JAKMIP2: variants seen among roughly 807,000 people sequenced by gnomAD.
JAKMIP2 encodes janus kinase and microtubule interacting protein 2, also known as janus kinase and microtubule-interacting protein 2.
Under a neutral mutation model 115.0 loss-of-function variants are expected in JAKMIP2, and 25 were observed. The observed-to-expected ratio is 0.22, with a 90% CI of 0.16 to 0.30. The LOEUF (loss-of-function observed/expected upper bound fraction) is 0.30, where lower values mean the gene tolerates loss of function less well. Ranked by LOEUF, JAKMIP2 falls within the 10% of genes least tolerant of loss-of-function variation. The pLI, the probability that JAKMIP2 is intolerant of heterozygous loss-of-function variation, is 1.00. For missense variants in JAKMIP2, 642 were observed against 957.6 expected (o/e 0.67, Z 4.35); for synonymous variants, 334 against 343.6 (o/e 0.97, Z 0.31).
chr5:147,758,519 G>A (rs539311590), intron 1 of JAKMIP2, among the ~76,000 whole-genome samples: 12 of 152,114 alleles, frequency 7.9e-5, no homozygotes, highest in Admixed American at 1.3e-4. Flanking sequence ...AACTGAAAAT[G>A]GACTATCAGA....
chr5:147,650,242 G>T, intron 4 of JAKMIP2, 96 bp downstream of exon 4: 1 of 781,280 alleles, frequency 1.3e-6, no homozygotes, highest in Non-Finnish European at 2.2e-6. Flanking sequence ...TGATTTCTTT[G>T]TAGTAAACAA....
At chr5:147,735,218 G>A (rs368177935) in intron 1 of JAKMIP2, among the ~76,000 whole-genome samples, 2 of 152,180 alleles carry the variant, frequency 1.3e-5, no homozygotes, top group Non-Finnish European at 2.9e-5. Flanking sequence ...TTTAAAGAAA[G>A]TGCATCGTGT....
At chr5:147,760,136 A>G (rs904236915) in intron 1 of JAKMIP2, among the ~76,000 whole-genome samples, 1 of 152,110 alleles carries the variant, frequency 6.6e-6, no homozygotes, top group Non-Finnish European at 1.5e-5. Flanking sequence ...TGGAGCATGC[A>G]TATGAGTAAA....
chr5:147,618,724 T>C (rs1463929287), intron 18 of JAKMIP2, among the ~76,000 whole-genome samples: 27 of 151,404 alleles, frequency 1.8e-4, no homozygotes, highest in Non-Finnish European at 4.4e-5. Context: ...GCAACAAGAG[T>C]GAAACTCCAT....
intron 1 of JAKMIP2, among the ~76,000 whole-genome samples, chr5:147,740,879 A>G (rs180709148): frequency 3.9e-5 from 6 of 152,340 alleles, no homozygotes; most frequent in Non-Finnish European, 7.3e-5. Flanking sequence ...ATTGTCTCCA[A>G]AATGAGCTGT....
In JAKMIP2 at chr5:147,644,929, T is replaced by C. The variant is rs947990713; in HGVS notation, c.1004A>G (p.Lys335Arg). The C allele has an allele frequency of 1.2e-6, 2 of 1,613,358 alleles. No individual in the cohort carries two copies. Among genetic ancestry groups the C allele is most frequent in the African/African-American group, 2.7e-5 (2 of 74,878 alleles). ...PLLERNKCLA[K>R]RNDELMVSLQ... ...GGACACCATCAGTTCATCGTTTCTC[T>C]TGGCGAGGCACTTGTTCCTTTCCAG... The change falls in exon 6 of 22, where the codon AAG becomes AGG. Residue 335 changes from lysine (K) to arginine (R), a missense_variant. Lys to Arg is a conservative substitution (Grantham distance 26). This residue lies in a region of JAKMIP2 where 439 missense variants were observed against 570.9 expected (regional missense o/e 0.77). Coordinates refer to ENST00000616793, the MANE Select transcript of JAKMIP2 (RefSeq NM_001270941.2).
intron 1 of JAKMIP2, among the ~76,000 whole-genome samples, chr5:147,775,276 G>A (rs1755515546): frequency 6.6e-6 from 1 of 152,136 alleles, no homozygotes; most frequent in African/African-American, 2.4e-5. Flanking sequence ...TCTTTGGAGT[G>A]AGATGCATTT....
At chr5:147,710,651 A>C (rs76999562) in intron 1 of JAKMIP2, among the ~76,000 whole-genome samples, 1,613 of 152,308 alleles carry the variant, frequency 0.011, 27 homozygotes, top group African/African-American at 0.036. Flanking sequence ...AGCAGTTTAT[A>C]TAGTGCTGCA....
chr5:147,591,654 C>T lies in JAKMIP2; in HGVS notation c.*53G>A. On this transcript the variant is annotated 3_prime_UTR_variant, in exon 22 of 22. Transcript: ENST00000616793. The stretch of plus-strand genomic sequence containing the variant: ...TCTTTGAAGGTTTAGAAGCACTTGT[C>T]TTCCTGGGATCTTATCCATGTTTTC... The T allele has an allele frequency of 6.3e-7, 1 of 1,595,114 alleles. No individual in the cohort carries two copies.
chr5:147,705,350 C>T (rs554196461), intron 1 of JAKMIP2, among the ~76,000 whole-genome samples: 3 of 152,224 alleles, frequency 2.0e-5, no homozygotes, highest in East Asian at 3.9e-4. Context: ...TGCCTATAAT[C>T]CTAGCACCTT....
intron 16 of JAKMIP2, 68 bp downstream of exon 16, chr5:147,628,683 C>G (rs898613634): frequency 8.4e-7 from 1 of 1,187,826 alleles, no homozygotes; most frequent in Non-Finnish European, 1.3e-6. Context: ...GTCCTTCACA[C>G]CCTAGTCTGC....
chr5:147,698,207 A>G (rs554165762), intron 1 of JAKMIP2, among the ~76,000 whole-genome samples: 2 of 152,274 alleles, frequency 1.3e-5, no homozygotes, highest in East Asian at 1.9e-4. Context: ...GCATGACCCC[A>G]TAGCCTCTTT....
chr5:147,651,305 G>C (rs1205110392), intron 3 of JAKMIP2, among the ~76,000 whole-genome samples: 2 of 152,136 alleles, frequency 1.3e-5, no homozygotes, highest in African/African-American at 4.8e-5. Flanking sequence ...CCTGGGCATG[G>C]CCTCAGAAGA....
At chr5:147,607,416 C>T (rs1374542739) in intron 20 of JAKMIP2, among the ~76,000 whole-genome samples, 1 of 152,174 alleles carries the variant, frequency 6.6e-6, no homozygotes, top group African/African-American at 2.4e-5. Context: ...GCCTTTTCTG[C>T]ATCTATTGAG....
intron 14 of JAKMIP2, among the ~76,000 whole-genome samples, chr5:147,630,348 G>A (rs1177406997): frequency 6.6e-6 from 1 of 152,076 alleles, no homozygotes; most frequent in Non-Finnish European, 1.5e-5. Flanking sequence ...CATTGGATTA[G>A]GTTGTTTGTG....
intron 8 of JAKMIP2, among the ~76,000 whole-genome samples, chr5:147,641,317 A>G (rs575024870): frequency 6.6e-6 from 1 of 152,336 alleles, no homozygotes; most frequent in Admixed American, 6.5e-5. Flanking sequence ...ATATTGATGG[A>G]TTGGGAGCAT....
intron 1 of JAKMIP2, among the ~76,000 whole-genome samples, chr5:147,692,495 C>T (rs1751905769): frequency 6.6e-6 from 1 of 152,184 alleles, no homozygotes; most frequent in Non-Finnish European, 1.5e-5. Context: ...TGCATGTTTT[C>T]ACAATATCAG....
At chr5:147,673,563 G>C (rs575059913) in intron 1 of JAKMIP2, among the ~76,000 whole-genome samples, 12 of 152,150 alleles carry the variant, frequency 7.9e-5, no homozygotes, top group Non-Finnish European at 1.8e-4. Context: ...TGAGACTGTC[G>C]GCAGCAGTCA....
intron 1 of JAKMIP2, among the ~76,000 whole-genome samples, chr5:147,760,311 G>A (rs1754887306): frequency 6.6e-6 from 1 of 151,454 alleles, no homozygotes; most frequent in African/African-American, 2.4e-5. Context: ...GGAGAATGTA[G>A]CCAGAAAACA....
Sources: gnomAD v4.1 joint callset for allele counts (sites outside exome capture counted in the v4.1 genomes callset) on GRCh38, gnomAD v4.1.1 for gene constraint, gnomAD v4.1.1 regional missense constraint, MANE v1.5 for transcripts, NCBI Gene and HGNC (gene_info 2026-07-23, HGNC 2026-07-21) for gene names.